STK3: variants seen among roughly 807,000 people sequenced by gnomAD.
STK3 encodes serine/threonine kinase 3.
STK3 carries 41 observed loss-of-function variants against 58.0 expected under a neutral mutation model. The observed-to-expected ratio is 0.71, with a 90% CI of 0.55 to 0.92. STK3 has a LOEUF of 0.92. Among genes scored for constraint, STK3 ranks in the 40% least tolerant of loss-of-function variants. The probability of loss-of-function intolerance (pLI) is 0.00; values close to 1 mark genes in which losing one functional copy is unlikely to be tolerated. For missense variants in STK3, 479 were observed against 602.7 expected (o/e 0.79, Z 2.15); for synonymous variants, 170 against 191.0 (o/e 0.89, Z 0.91).
At chr8:98,496,956 GT>G (rs1334720566) in intron 10 of STK3, among the ~76,000 whole-genome samples, 5 of 151,680 alleles carry the variant, frequency 3.3e-5, no homozygotes, top group South Asian at 2.1e-4. Flanking sequence ...AAATTTTATG[GT>G]TTTTTTTAAC....
intron 1 of STK3, among the ~76,000 whole-genome samples, chr8:98,449,380 T>C (rs1819095265): frequency 2.6e-5 from 4 of 152,168 alleles, no homozygotes; most frequent in South Asian, 2.1e-4. Flanking sequence ...GTTATAAATA[T>C]AGGATCAGAG....
In STK3 at chr8:98,443,358, T is replaced by C. The variant is rs368466711; in HGVS notation, n.186-6150A>G. ...CAGGTTTGGGCGATAACAGGTATGA[T>C]TTTGTGAATGGCAGTTTGTTTCCAG... is the stretch of plus-strand genomic sequence containing the variant. On this transcript the variant is annotated intron_variant and non_coding_transcript_variant, in intron 1 of 3. Transcript: ENST00000517832. Among the ~76,000 whole-genome samples the C allele has an allele frequency of 5.9e-5, 9 of 152,330 alleles. No homozygotes were observed. In the East Asian group the frequency reaches 1.2e-3, roughly 20 times the overall value.
chr8:98,841,074 C>T (rs185986320), intron 3 of STK3, among the ~76,000 whole-genome samples: 1 of 152,224 alleles, frequency 6.6e-6, no homozygotes, highest in South Asian at 2.1e-4. Context: ...AGCATAGAGG[C>T]TGGCTTCATC....
chr8:98,741,438 C>A (rs931465194), intron 4 of STK3, among the ~76,000 whole-genome samples: 41 of 152,176 alleles, frequency 2.7e-4, no homozygotes, highest in African/African-American at 5.8e-4. Context: ...AGGATTAAGA[C>A]ACTCACTCAA....
At chr8:98,509,150 G>A (rs996954100) in intron 10 of STK3, among the ~76,000 whole-genome samples, 9 of 151,788 alleles carry the variant, frequency 5.9e-5, no homozygotes, top group African/African-American at 1.7e-4. Flanking sequence ...ATAATTATAC[G>A]AACAAAATAT....
At chr8:98,613,559 A>C (rs1817371352) in intron 6 of STK3, among the ~76,000 whole-genome samples, 2 of 152,216 alleles carry the variant, frequency 1.3e-5, no homozygotes, top group Admixed American at 1.3e-4. Flanking sequence ...TAAACCACCA[A>C]AAAGTTTTGC....
At chr8:98,420,451 T>TC (rs1435057676) in intron 3 of STK3, among the ~76,000 whole-genome samples, 1 of 152,250 alleles carries the variant, frequency 6.6e-6, no homozygotes, top group African/African-American at 2.4e-5. Context: ...AATTAAACTT[T>TC]ATCATAGGTA....
At chr8:98,352,110 C>T in the STK3 span, among the ~76,000 whole-genome samples, 2 of 134,170 alleles carry the variant, frequency 1.5e-5, no homozygotes, top group Non-Finnish European at 3.1e-5. Flanking sequence ...GCACTCCAGC[C>T]TGGGTGACAG....
At chr8:98,686,390 A>G (rs1225280200) in intron 6 of STK3, among the ~76,000 whole-genome samples, 1 of 152,224 alleles carries the variant, frequency 6.6e-6, no homozygotes, top group African/African-American at 2.4e-5. Flanking sequence ...TGCATTAACA[A>G]TATTAAATCA....
intron 1 of STK3, among the ~76,000 whole-genome samples, chr8:98,926,839 T>C (rs1222045558): frequency 6.6e-6 from 1 of 152,132 alleles, no homozygotes; most frequent in Non-Finnish European, 1.5e-5. Flanking sequence ...ACAGCAAGCT[T>C]AGGTGTGCTA....
chr8:98,885,423 T>G (rs1837946041), intron 1 of STK3, among the ~76,000 whole-genome samples: 1 of 151,508 alleles, frequency 6.6e-6, no homozygotes, highest in Non-Finnish European at 1.5e-5. Context: ...ATTTAGGTTT[T>G]TGTTTTTGTT....
At chr8:98,671,983 C>T (rs763350221) in intron 6 of STK3, among the ~76,000 whole-genome samples, 32 of 152,298 alleles carry the variant, frequency 2.1e-4, no homozygotes, top group African/African-American at 7.7e-4. Flanking sequence ...TCTCTCCTGC[C>T]ACCCTGTGAA....
chr8:98,874,899 C>T (rs1224182577), intron 3 of STK3, among the ~76,000 whole-genome samples: 1 of 151,924 alleles, frequency 6.6e-6, no homozygotes, highest in African/African-American at 2.4e-5. Context: ...GCTGGGATTA[C>T]AGGCATGAGC....
chr8:98,825,367 G>T, intron 1 of STK3, 148 bp downstream of exon 1: 3 of 607,632 alleles, frequency 4.9e-6, no homozygotes, highest in South Asian at 5.0e-5. Context: ...GACGCGGCGG[G>T]ACACTCGGAC....
chr8:98,804,267 G>C lies in STK3; in HGVS notation c.26+21248C>G, dbSNP rs1210324127. On this transcript the variant is annotated intron_variant, in intron 1 of 10. Coordinates refer to ENST00000419617, the MANE Select transcript of STK3 (RefSeq NM_006281.4). ...TCCGCCCACCTCGGCCTCCCAAAGT[G>C]CTGGGATTACAGGCGTGAGCCACCA... Among the ~76,000 whole-genome samples the C allele has an allele frequency of 2.0e-5, 3 of 152,148 alleles. No individual in the cohort carries two copies. In the East Asian group the frequency reaches 5.8e-4, roughly 29 times the overall value.
chr8:98,354,909 C>T, the STK3 span, among the ~76,000 whole-genome samples: 1 of 152,196 alleles, frequency 6.6e-6, no homozygotes, highest in African/African-American at 2.4e-5. Context: ...TCCCGAGTAG[C>T]TGGGATTGCA....
chr8:98,519,876 A>C (rs1489166312), intron 10 of STK3, among the ~76,000 whole-genome samples: 1 of 152,142 alleles, frequency 6.6e-6, no homozygotes, highest in Non-Finnish European at 1.5e-5. Flanking sequence ...ACAACCAAAA[A>C]TGGTTGATTT....
chr8:98,917,853 T>C (rs1224427798), intron 1 of STK3, among the ~76,000 whole-genome samples: 1 of 152,170 alleles, frequency 6.6e-6, no homozygotes, highest in Non-Finnish European at 1.5e-5. Context: ...TCATGTCTTC[T>C]GGGTGCCAAG....
At chr8:98,790,983 CA>C (rs749265270) in intron 1 of STK3, among the ~76,000 whole-genome samples, 1,425 of 106,158 alleles carry the variant, frequency 0.013, 15 homozygotes, top group African/African-American at 0.034. Context: ...GACTCCGTCT[CA>C]AAAAAAAAAA....
Sources: allele counts gnomAD v4.1 joint callset (sites outside exome capture counted in the v4.1 genomes callset), GRCh38; gene constraint gnomAD v4.1.1; transcripts MANE v1.5; gene names NCBI Gene and HGNC (gene_info 2026-07-23, HGNC 2026-07-21).